PITPNC1: variants seen among roughly 807,000 people sequenced by gnomAD.
The protein encoded by PITPNC1 is cytoplasmic phosphatidylinositol transfer protein 1.
A neutral mutation model predicts 44.7 loss-of-function variants in PITPNC1; 18 were observed. That is an observed-to-expected ratio of 0.40 (90% CI 0.28 to 0.60). The LOEUF is 0.60. PITPNC1 is among the 20% of genes least tolerant of loss of function. PITPNC1 has a pLI of 0.39. For synonymous variants in PITPNC1, 141 were observed against 149.6 expected (o/e 0.94, Z 0.42); for missense variants, 290 against 418.4 (o/e 0.69, Z 2.68).
At chr17:67,474,444 T>C (rs2039596357) in intron 1 of PITPNC1, among the ~76,000 whole-genome samples, 1 of 152,136 alleles carries the variant, frequency 6.6e-6, no homozygotes, top group South Asian at 2.1e-4. Context: ...TAATTCATTG[T>C]TGTGGGAGCC....
intron 1 of PITPNC1, among the ~76,000 whole-genome samples, chr17:67,531,846 C>T (rs1452259272): frequency 3.3e-5 from 5 of 152,120 alleles, no homozygotes; most frequent in Non-Finnish European, 7.3e-5. Context: ...CGTCCTGACT[C>T]TGAGCAGGGT....
intron 1 of PITPNC1, among the ~76,000 whole-genome samples, chr17:67,454,022 G>A (rs745904603): frequency 6.6e-6 from 1 of 152,108 alleles, no homozygotes; most frequent in African/African-American, 2.4e-5. Context: ...AGGCCAAGGC[G>A]GGCAGATCGC....
At chr17:67,616,462 C>T (rs1311993435) in intron 5 of PITPNC1, among the ~76,000 whole-genome samples, 1 of 152,148 alleles carries the variant, frequency 6.6e-6, no homozygotes, top group East Asian at 1.9e-4. Context: ...AATGAGTTAC[C>T]ATGATCTAGG....
chr17:67,520,205 G>A (rs901187393), intron 1 of PITPNC1, among the ~76,000 whole-genome samples: 7 of 152,148 alleles, frequency 4.6e-5, no homozygotes, highest in Non-Finnish European at 1.0e-4. Context: ...ATCCTGGAAA[G>A]GCCTTGCTAC....
chr17:67,588,656 G>A (rs1012779794), intron 5 of PITPNC1, among the ~76,000 whole-genome samples: 1 of 152,178 alleles, frequency 6.6e-6, no homozygotes, highest in African/African-American at 2.4e-5. Flanking sequence ...CATCCAGTGG[G>A]AGTCTCAGAA....
intron 6 of PITPNC1, among the ~76,000 whole-genome samples, chr17:67,653,280 A>G (rs539060931): frequency 6.6e-6 from 1 of 152,218 alleles, no homozygotes; most frequent in East Asian, 1.9e-4. Context: ...AAAAGAAAAA[A>G]AAGGTTGGGG....
chr17:67,466,020 A>G (rs1283310329), intron 1 of PITPNC1, among the ~76,000 whole-genome samples: 1 of 151,110 alleles, frequency 6.6e-6, no homozygotes, highest in Non-Finnish European at 1.5e-5. Context: ...TTTATTTTAG[A>G]GACAGAGTCT....
At chr17:67,486,016 G>A (rs1424068471) in intron 1 of PITPNC1, among the ~76,000 whole-genome samples, 1 of 152,194 alleles carries the variant, frequency 6.6e-6, no homozygotes, top group Non-Finnish European at 1.5e-5. Context: ...TTCTGGTGAT[G>A]CTCCTTAGAC....
At chr17:67,396,398 G>A (rs2038220692) in intron 1 of PITPNC1, among the ~76,000 whole-genome samples, 1 of 151,940 alleles carries the variant, frequency 6.6e-6, no homozygotes, top group Non-Finnish European at 1.5e-5. Context: ...TTGAGATGGA[G>A]TCTCATTCTG....
intron 4 of PITPNC1, among the ~76,000 whole-genome samples, chr17:67,560,890 A>G (rs2040898145): frequency 2.0e-5 from 3 of 152,362 alleles, no homozygotes; most frequent in South Asian, 2.1e-4. Context: ...ACAGAGGGCA[A>G]TCAGCAGAGA....
intron 8 of PITPNC1, among the ~76,000 whole-genome samples, chr17:67,686,050 T>C (rs930139300): frequency 1.6e-4 from 24 of 151,808 alleles, no homozygotes; most frequent in African/African-American, 5.6e-4. Context: ...AGGCTGGTCT[T>C]GAACTCCTGA....
chr17:67,403,713 G>A (rs2038356837), intron 1 of PITPNC1, among the ~76,000 whole-genome samples: 1 of 152,116 alleles, frequency 6.6e-6, no homozygotes, highest in South Asian at 2.1e-4. Context: ...ATCATTAATG[G>A]CAGAGCTGGG....
In PITPNC1 at chr17:67,453,571, G is replaced by C. The variant is rs149871548; in HGVS notation, c.48+75369G>C. On this transcript the variant is annotated intron_variant, in intron 1 of 8. Coordinates refer to ENST00000581322, the MANE Select transcript of PITPNC1 (RefSeq NM_012417.4). ...GAGCAGGGGTCTGCAAACATTTTCT[G>C]TAAAGAGAGTAAACAAATATGTCAG... Among the ~76,000 whole-genome samples, 334 of 152,282 alleles carry C rather than the reference G, an allele frequency of 2.2e-3. 3 individuals are homozygous for C. Among genetic ancestry groups the C allele is most frequent in the African/African-American group, 7.6e-3 (315 of 41,560 alleles).
At chr17:67,461,102 TC>T (rs2039331676) in intron 1 of PITPNC1, among the ~76,000 whole-genome samples, 1 of 152,112 alleles carries the variant, frequency 6.6e-6, no homozygotes, top group South Asian at 2.1e-4. Context: ...TACCCGGTAC[TC>T]CTTTCTTTTC....
chr17:67,578,819 T>C (rs1004393246), intron 5 of PITPNC1, among the ~76,000 whole-genome samples: 1 of 152,100 alleles, frequency 6.6e-6, no homozygotes, highest in Non-Finnish European at 1.5e-5. Context: ...CTGTCTCGAC[T>C]AAAAATACAA....
intron 4 of PITPNC1, among the ~76,000 whole-genome samples, chr17:67,555,456 G>A (rs1356569361): frequency 6.6e-6 from 1 of 152,102 alleles, no homozygotes; most frequent in Non-Finnish European, 1.5e-5. Context: ...CCTGTATACA[G>A]CAGGTAATTA....
intron 1 of PITPNC1, among the ~76,000 whole-genome samples, chr17:67,476,175 ATTTC>A (rs1408942270): frequency 3.5e-5 from 5 of 144,294 alleles, no homozygotes; most frequent in Admixed American, 7.0e-5. Context: ...TAGAGACTAA[ATTTC>A]TTTCTTTTCT....
intron 5 of PITPNC1, among the ~76,000 whole-genome samples, chr17:67,622,723 A>G (rs767177836): frequency 6.6e-6 from 1 of 151,910 alleles, no homozygotes; most frequent in Admixed American, 6.6e-5. Flanking sequence ...TAAAAATACA[A>G]AAATTAGCCA....
intron 1 of PITPNC1, among the ~76,000 whole-genome samples, chr17:67,386,439 C>T (rs1050360061): frequency 3.9e-5 from 6 of 152,136 alleles, no homozygotes; most frequent in Non-Finnish European, 7.4e-5. Context: ...GTGATCCACC[C>T]GCCTCGGCCT....
Sources: gnomAD v4.1 joint callset for allele counts (sites outside exome capture counted in the v4.1 genomes callset) on GRCh38, gnomAD v4.1.1 for gene constraint, MANE v1.5 for transcripts, NCBI Gene and HGNC (gene_info 2026-07-23, HGNC 2026-07-21) for gene names.